CREG1: variants seen among roughly 807,000 people sequenced by gnomAD.
CREG1 encodes cellular repressor of E1A stimulated genes 1.
In CREG1, 20 loss-of-function variants were observed where a neutral mutation model predicts 19.9. That is an observed-to-expected ratio of 1.01 (90% CI 0.71 to 1.46). CREG1 has a LOEUF of 1.46. Ranked by LOEUF, CREG1 falls within the 40% of genes most tolerant of loss-of-function variation. The pLI is 0.00. For synonymous variants in CREG1, 141 were observed against 143.3 expected (o/e 0.98, Z 0.12); for missense variants, 290 against 314.9 (o/e 0.92, Z 0.60).
chr1:167,543,502 A>C (rs568053180), intron 3 of CREG1, among the ~76,000 whole-genome samples: 19 of 152,342 alleles, frequency 1.2e-4, no homozygotes, highest in Admixed American at 3.3e-4. Flanking sequence ...GGGCAAGCCA[A>C]GCAAGGTGGC....
At chr1:167,543,395 A>G (rs1656259685) in intron 3 of CREG1, among the ~76,000 whole-genome samples, 1 of 152,240 alleles carries the variant, frequency 6.6e-6, no homozygotes. Context: ...GCTCCGTATC[A>G]GCTCTCACAA....
rs1656231108 is a variant in CREG1, at chr1:167,541,859, C to T, written c.*439G>A. The T allele has an allele frequency of 1.3e-5, 2 of 153,662 alleles. No homozygotes were observed. Among genetic ancestry groups the T allele is most frequent in the Non-Finnish European group, 2.9e-5 (2 of 68,982 alleles). 9.5% of individuals were successfully genotyped at this position (153,662 alleles called of 1,614,324 possible). On this transcript the variant is annotated 3_prime_UTR_variant, in exon 4 of 4. Transcript: ENST00000370509. ...GGGGCCAATCCTTTTGCACCAGGCT[C>T]AGGCAGCTCAGGAGGCAGCTGTGGT...
Position 167,553,646 on chromosome 1 carries a change from G to A in CREG1, c.96C>T (p.Arg32=). The change falls in exon 1 of 4, where the codon CGC becomes CGT. Residue 32 remains arginine (R), a synonymous_variant. Coordinates refer to ENST00000370509, the MANE Select transcript of CREG1 (RefSeq NM_003851.3). ...CCCAGTCCCCGTGGTCCCGGCCGCCGCGACCCCGCGCGGGCGACACGAGCA... is the reference window on the plus strand; with the variant it reads ...CCCAGTCCCCGTGGTCCCGGCCGCCACGACCCCGCGCGGGCGACACGAGCA... ...LALLVSPARG[R]GGRDHGDWDE... 7.5e-7 allele frequency: 1 copy of A among 1,340,632 alleles called. No individual in the cohort carries two copies. The allele number at this position is 1,340,632 out of a possible 1,614,324, so 83.0% of individuals were successfully genotyped here.
intron 3 of CREG1, among the ~76,000 whole-genome samples, chr1:167,545,288 G>A (rs1571624912): frequency 6.6e-6 from 1 of 152,218 alleles, no homozygotes; most frequent in East Asian, 1.9e-4. Flanking sequence ...TCAACCTGGT[G>A]TCCAGGCCTG....
intron 3 of CREG1, among the ~76,000 whole-genome samples, chr1:167,543,914 G>A (rs1020511385): frequency 6.6e-6 from 1 of 152,222 alleles, no homozygotes; most frequent in African/African-American, 2.4e-5. Flanking sequence ...ATTCAGTGTG[G>A]AGACTTATGG....
intron 1 of CREG1, among the ~76,000 whole-genome samples, chr1:167,548,756 G>A (rs569714218): frequency 4.3e-4 from 66 of 152,302 alleles, no homozygotes; most frequent in African/African-American, 1.5e-3. Flanking sequence ...TTCACACATC[G>A]CATTTTAGAC....
chr1:167,547,275 G>A (rs1656345132), intron 2 of CREG1, among the ~76,000 whole-genome samples: 1 of 152,192 alleles, frequency 6.6e-6, no homozygotes, highest in Admixed American at 6.5e-5. Context: ...GTAATGGATA[G>A]TCCTCTGGTT....
chr1:167,545,293 G>A (rs910296306), intron 3 of CREG1, among the ~76,000 whole-genome samples: 3 of 152,086 alleles, frequency 2.0e-5, no homozygotes, highest in African/African-American at 7.2e-5. Context: ...CTGGTGTCCA[G>A]GCCTGTAGAC....
rs547663782 is a variant in CREG1 at position 167,553,610 on chromosome 1, G to A, written c.132C>T (p.Ser44=). 211 of 1,410,552 alleles carry A rather than the reference G, an allele frequency of 1.5e-4. 2 individuals carry two copies. The East Asian group carries it at 6.4e-3, about 43-fold the overall frequency. 87.4% of individuals were successfully genotyped at this position (1,410,552 alleles called of 1,614,324 possible). ...CGCGGGGTGGTAGCGGCGGCAGCCG[G>A]GAGGCCTCGTCCCAGTCCCCGTGGT... ...GRDHGDWDEA[S]RLPPLPPRED... is the part of the protein sequence containing the mutation. Residue 44 remains serine, a synonymous_variant, in exon 1 of 4, where the codon TCC becomes TCT. Transcript: ENST00000370509.
intron 3 of CREG1, 24 bp downstream of exon 3, chr1:167,546,077 G>T: frequency 6.4e-7 from 1 of 1,559,896 alleles, no homozygotes; most frequent in Non-Finnish European, 8.7e-7. Context: ...GGCAATCTTA[G>T]GTGAAAGATG....
rs534165580 is a variant in CREG1, at chr1:167,550,603, G to C, written c.355-2482C>G. Among the ~76,000 whole-genome samples the C allele has an allele frequency of 4.6e-5, 7 of 152,168 alleles. 1 individual carries two copies. In the South Asian group the frequency reaches 1.5e-3, roughly 32 times the overall value. On this transcript the variant is annotated intron_variant, in intron 1 of 3. Coordinates refer to ENST00000370509, the MANE Select transcript of CREG1 (RefSeq NM_003851.3). The stretch of plus-strand genomic sequence containing the variant: ...TTGGGGAGGCAGTGAGAACCAACTG[G>C]GTTTACTGAGAAAACAATAATTCCA...
At position 167,553,536 on chromosome 1, in the gene CREG1, C is replaced by A; in HGVS notation, c.206G>T (p.Gly69Val). ...ARFVTHVSDW[G>V]ALATISTLEA... ...CAGCGTGGAGATGGTGGCCAGAGCG[C>A]CCCAGTCGGAGACGTGCGTCACGAA... Residue 69 changes from glycine to valine, a missense_variant, in exon 1 of 4, where the codon GGC becomes GTC. By Grantham distance (109) the Gly-to-Val change is moderately radical. Transcript: ENST00000370509. 6.8e-7 allele frequency: 1 copy of A among 1,480,326 alleles called. No homozygotes were observed. The highest frequency in any genetic ancestry group is 8.9e-7 in the Non-Finnish European group (1 of 1,122,766). The allele number at this position is 1,480,326 out of a possible 1,614,324, so 91.7% of individuals were successfully genotyped here. A position where few individuals can be genotyped will look rare whatever the true frequency, so the allele number is the denominator to read the frequency against.
intron 3 of CREG1, among the ~76,000 whole-genome samples, chr1:167,543,134 C>CT (rs1472745972): frequency 6.6e-6 from 1 of 151,892 alleles, no homozygotes; most frequent in Non-Finnish European, 1.5e-5. Context: ...GTGGTCCCAG[C>CT]TGCTCAGGAG....
chr1:167,546,086 T>C lies in CREG1; in HGVS notation c.659+15A>G. 2 of 1,569,084 alleles carry C rather than the reference T, an allele frequency of 1.3e-6. No individual in the cohort carries two copies. The highest frequency in any genetic ancestry group is 8.6e-7 in the Non-Finnish European group (1 of 1,157,032). ...AAGGGCGGCAATCTTAGGTGAAAGA[T>C]GTGTAAGTACTTACTGAACTGTGAC... is the stretch of plus-strand genomic sequence containing the variant. On this transcript the variant is annotated intron_variant, in intron 3 of 3. Transcript: ENST00000370509.
chr1:167,543,360 A>G (rs773440361), intron 3 of CREG1, among the ~76,000 whole-genome samples: 2 of 152,210 alleles, frequency 1.3e-5, no homozygotes, highest in African/African-American at 2.4e-5. Context: ...CCAACAGTCC[A>G]ATGAGGCAAA....
Position 167,542,142 on chromosome 1 carries a change from A to T in CREG1, c.*156T>A, listed in dbSNP as rs1656238127. 5.0e-6 allele frequency: 3 copies of T among 600,116 alleles called. No individual in the cohort carries two copies. In the Admixed American group the frequency reaches 9.1e-5, roughly 18 times the overall value. The allele number at this position is 600,116 out of a possible 1,614,324, so 37.2% of individuals were successfully genotyped here. Reference sequence around the variant, plus strand: ...CCAATAACAGGTCAACTCTATTGGTAAACAAGCAAGTAAACAAGCAAGCAA... The same window carrying T: ...CCAATAACAGGTCAACTCTATTGGTTAACAAGCAAGTAAACAAGCAAGCAA... On this transcript the variant is annotated 3_prime_UTR_variant, in exon 4 of 4. Coordinates refer to ENST00000370509, the MANE Select transcript of CREG1 (RefSeq NM_003851.3).
intron 1 of CREG1, among the ~76,000 whole-genome samples, chr1:167,549,954 T>C (rs1343772866): frequency 6.6e-6 from 1 of 152,146 alleles, no homozygotes; most frequent in African/African-American, 2.4e-5. Flanking sequence ...TCCAAAGTGT[T>C]GGGATTACAG....
intron 2 of CREG1, 113 bp from the exon 3 acceptor site, chr1:167,546,398 C>A: frequency 1.5e-6 from 1 of 661,308 alleles, no homozygotes; most frequent in South Asian, 2.2e-5. Context: ...AATCCCAGCA[C>A]TTTGGAAGGC....
rs1010402179 is a variant in CREG1 at position 167,541,999 on chromosome 1, C to G, written c.*299G>C. ...GGTACTCATTCCTCTTCAAGAGCACCACTGGAAACATCTTTGGAATTGATG... is the reference window on the plus strand; with the variant it reads ...GGTACTCATTCCTCTTCAAGAGCACGACTGGAAACATCTTTGGAATTGATG... On this transcript the variant is annotated 3_prime_UTR_variant, in exon 4 of 4. Transcript: ENST00000370509. The G allele has an allele frequency of 1.1e-5, 3 of 284,046 alleles. No homozygotes were observed. Among genetic ancestry groups the G allele is most frequent in the Non-Finnish European group, 1.3e-5 (2 of 151,894 alleles). 17.6% of individuals were successfully genotyped at this position (284,046 alleles called of 1,614,324 possible).
Sources: gnomAD v4.1 joint callset for allele counts (sites outside exome capture counted in the v4.1 genomes callset) on GRCh38, gnomAD v4.1.1 for gene constraint, MANE v1.5 for transcripts, NCBI Gene and HGNC (gene_info 2026-07-23, HGNC 2026-07-21) for gene names.